THSD4: variants seen among roughly 807,000 people sequenced by gnomAD.
THSD4 encodes thrombospondin type 1 domain containing 4.
THSD4 carries 69 observed loss-of-function variants against 119.0 expected under a neutral mutation model. The observed-to-expected ratio is 0.58, with a 90% CI of 0.48 to 0.71. THSD4 has a LOEUF of 0.71. THSD4 is among the 30% of genes least tolerant of loss of function. The pLI, the probability that THSD4 is intolerant of heterozygous loss-of-function variation, is 0.00. For synonymous variants in THSD4, 524 were observed against 540.4 expected (o/e 0.97, Z 0.42); for missense variants, 1,393 against 1,391.1 (o/e 1.00, Z -0.02).
At chr15:71,698,019 GGGCCAAGGGCCTCC>G (rs2052201575) in intron 8 of THSD4, among the ~76,000 whole-genome samples, 1 of 152,050 alleles carries the variant, frequency 6.6e-6, no homozygotes, top group South Asian at 2.1e-4. Context: ...ACTGAAGAAG[GGGCCAAGGGCCTCC>G]CCCTCATCAG....
At chr15:71,221,217 CT>C (rs1286511670) in intron 4 of THSD4, among the ~76,000 whole-genome samples, 2 of 152,160 alleles carry the variant, frequency 1.3e-5, no homozygotes, top group African/African-American at 4.8e-5. Flanking sequence ...GAAGGAGCCC[CT>C]GTTACTATAG....
At chr15:71,312,327 C>G (rs371338730) in intron 6 of THSD4, among the ~76,000 whole-genome samples, 37 of 151,280 alleles carry the variant, frequency 2.4e-4, no homozygotes, top group African/African-American at 7.5e-4. Context: ...GACTCTGTCT[C>G]GAGGCAGGGG....
intron 6 of THSD4, among the ~76,000 whole-genome samples, chr15:71,299,976 AATATATAT>A (rs1185451144): frequency 1.7e-4 from 8 of 48,306 alleles, no homozygotes; most frequent in East Asian, 9.9e-4. Context: ...AAAAAAAAAA[AATATATAT>A]ATATATATAT....
intron 4 of THSD4, among the ~76,000 whole-genome samples, chr15:71,234,606 C>T (rs1164301216): frequency 1.3e-5 from 2 of 152,244 alleles, no homozygotes; most frequent in East Asian, 3.8e-4. Flanking sequence ...GCTAGTCAAA[C>T]TCTTAATTTC....
At chr15:71,630,154 C>A (rs888839030) in intron 7 of THSD4, among the ~76,000 whole-genome samples, 10 of 152,044 alleles carry the variant, frequency 6.6e-5, no homozygotes, top group African/African-American at 2.4e-4. Context: ...AAAAAGAAAA[C>A]AAACAGACAA....
chr15:71,567,083 C>G (rs781259387), intron 7 of THSD4, among the ~76,000 whole-genome samples: 1 of 152,136 alleles, frequency 6.6e-6, no homozygotes, highest in Non-Finnish European at 1.5e-5. Flanking sequence ...ATGAAGTGGA[C>G]CCCTCACTCA....
intron 11 of THSD4, among the ~76,000 whole-genome samples, chr15:71,742,404 C>T (rs997016707): frequency 6.6e-6 from 1 of 152,164 alleles, no homozygotes; most frequent in African/African-American, 2.4e-5. Flanking sequence ...TTTTCTTGCT[C>T]TTTATTTTGT....
intron 6 of THSD4, among the ~76,000 whole-genome samples, chr15:71,309,430 G>A (rs2045080866): frequency 6.6e-6 from 1 of 152,134 alleles, no homozygotes; most frequent in Admixed American, 6.5e-5. Flanking sequence ...TGCAGATATT[G>A]TCTTCCAGTG....
At chr15:71,560,408 T>TC (rs1249273758) in intron 7 of THSD4, among the ~76,000 whole-genome samples, 1 of 152,182 alleles carries the variant, frequency 6.6e-6, no homozygotes, top group Admixed American at 6.5e-5. Context: ...CAATCTGCCC[T>TC]CTAAAGACAG....
At chr15:71,500,174 C>T (rs921556521) in intron 7 of THSD4, among the ~76,000 whole-genome samples, 3 of 152,056 alleles carry the variant, frequency 2.0e-5, no homozygotes, top group African/African-American at 7.2e-5. Context: ...ATGGTAGCTG[C>T]CATACCAGAT....
intron 7 of THSD4, among the ~76,000 whole-genome samples, chr15:71,497,558 C>T (rs1388807210): frequency 6.6e-6 from 1 of 151,614 alleles, no homozygotes; most frequent in Admixed American, 6.6e-5. Flanking sequence ...AATATATATA[C>T]ACATACATAT....
chr15:71,647,085 A>T (rs1341724709), intron 7 of THSD4, among the ~76,000 whole-genome samples: 1 of 152,214 alleles, frequency 6.6e-6, no homozygotes, highest in Non-Finnish European at 1.5e-5. Context: ...GCTCATAAAT[A>T]CAATCTGGAT....
rs369956313 is a variant in THSD4, at chr15:71,328,460, C to T, written c.1015+71745C>T. 1.2e-3 allele frequency among the ~76,000 whole-genome samples: 190 copies of T among 152,258 alleles called. 11 individuals carry two copies. In the South Asian group the frequency reaches 0.037, roughly 30 times the overall value. ...CCTCCTAATTATTCATTTGTTCATTCGTTCATTAATTCATTCAGTCTGCCA... is the reference window on the plus strand; with the variant it reads ...CCTCCTAATTATTCATTTGTTCATTTGTTCATTAATTCATTCAGTCTGCCA... On this transcript the variant is annotated intron_variant, in intron 6 of 17. Coordinates refer to ENST00000261862, the MANE Select transcript of THSD4 (RefSeq NM_024817.3).
chr15:71,172,724 T>TGTGAC (rs2043391673), intron 3 of THSD4, among the ~76,000 whole-genome samples: 1 of 120,136 alleles, frequency 8.3e-6, no homozygotes, highest in African/African-American at 3.9e-5. Flanking sequence ...TATATATATA[T>TGTGAC]ATATATATAT....
At chr15:71,349,043 CA>C (rs1408864501) in intron 6 of THSD4, among the ~76,000 whole-genome samples, 1 of 152,170 alleles carries the variant, frequency 6.6e-6, no homozygotes, top group African/African-American at 2.4e-5. Context: ...TATCTGTGTT[CA>C]CAAGTCCATG....
At chr15:71,129,601 A>G (rs778181743) in intron 1 of THSD4, among the ~76,000 whole-genome samples, 44 of 152,170 alleles carry the variant, frequency 2.9e-4, no homozygotes, top group Non-Finnish European at 5.7e-4. Flanking sequence ...TTTCTAATTT[A>G]TGTGATGACT....
intron 8 of THSD4, among the ~76,000 whole-genome samples, chr15:71,670,162 A>G (rs1195550700): frequency 6.6e-6 from 1 of 151,850 alleles, no homozygotes. Context: ...TACCTGTGCC[A>G]TGTTGGTTTG....
intron 8 of THSD4, among the ~76,000 whole-genome samples, chr15:71,697,324 G>A (rs1243031645): frequency 6.6e-6 from 1 of 152,182 alleles, no homozygotes; most frequent in African/African-American, 2.4e-5. Flanking sequence ...TATGAGAGGT[G>A]CATGAAATTG....
intron 12 of THSD4, among the ~76,000 whole-genome samples, chr15:71,745,913 G>A (rs556497708): frequency 6.6e-6 from 1 of 152,312 alleles, no homozygotes; most frequent in African/African-American, 2.4e-5. Flanking sequence ...CCAAAGTGCT[G>A]GGATTACGGG....
Sources: gnomAD v4.1 joint callset for allele counts (sites outside exome capture counted in the v4.1 genomes callset) on GRCh38, gnomAD v4.1.1 for gene constraint, MANE v1.5 for transcripts, NCBI Gene and HGNC (gene_info 2026-07-23, HGNC 2026-07-21) for gene names.